Variants in CPT1A observed in about 807,000 individuals in gnomAD.
CPT1A encodes carnitine palmitoyltransferase 1A, also known as carnitine O-palmitoyltransferase 1, liver isoform.
A neutral mutation model predicts 100.8 loss-of-function variants in CPT1A; 64 were observed. The ratio of observed to expected loss-of-function variants is 0.63; its 90% CI spans 0.52 to 0.78. CPT1A has a LOEUF of 0.78. Among genes scored for constraint, CPT1A ranks in the 30% least tolerant of loss-of-function variants. The pLI is 0.00. For synonymous variants in CPT1A, 363 were observed against 396.0 expected (o/e 0.92, Z 0.99); for missense variants, 802 against 1,034.1 (o/e 0.78, Z 3.08).
Position 68,757,536 on chromosome 11 carries a change from T to G in CPT1A, c.*108A>C. 3 of 1,568,108 alleles carry G rather than the reference T, an allele frequency of 1.9e-6. No homozygotes were observed. The South Asian group carries it at 3.5e-5, about 18-fold the overall frequency. On this transcript the variant is annotated 3_prime_UTR_variant, in exon 19 of 19. Coordinates refer to ENST00000265641, the MANE Select transcript of CPT1A (RefSeq NM_001876.4). Reference sequence around the variant, plus strand: ...ACATTTTCTGGAAGGAAAACTGAGTTTTTTTAAGAGCAGTGTTTCATCCCG... The same window carrying G: ...ACATTTTCTGGAAGGAAAACTGAGTGTTTTTAAGAGCAGTGTTTCATCCCG...
chr11:68,825,763 C>G (rs1484935969), intron 1 of CPT1A, among the ~76,000 whole-genome samples: 1 of 152,082 alleles, frequency 6.6e-6, no homozygotes, highest in African/African-American at 2.4e-5. Context: ...TCCTGGCCCA[C>G]GCAGGGACTT....
At chr11:68,842,164 C>T (rs1857176273), upstream of CPT1A, among the ~76,000 whole-genome samples, 1 of 152,206 alleles carries the variant, frequency 6.6e-6, no homozygotes, top group Admixed American at 6.5e-5. Flanking sequence ...CATAAAATCG[C>T]TTAGCTCCGT....
rs192962393 is a variant in CPT1A, at chr11:68,831,787, C to T, written c.-14+9988G>A. ...GAGCTGGAATTACAGGCACGCACCACCACGCCTGGCTAATTTTGTATTTTT... is the reference window on the plus strand; with the variant it reads ...GAGCTGGAATTACAGGCACGCACCATCACGCCTGGCTAATTTTGTATTTTT... On this transcript the variant is annotated intron_variant, in intron 1 of 18. Coordinates refer to ENST00000265641, the MANE Select transcript of CPT1A (RefSeq NM_001876.4). Among the ~76,000 whole-genome samples the T allele has an allele frequency of 2.1e-3, 313 of 152,074 alleles. 7 individuals are homozygous for T. Among genetic ancestry groups the T allele is most frequent in the Admixed American group, 0.015 (227 of 15,260 alleles).
intron 1 of CPT1A, among the ~76,000 whole-genome samples, chr11:68,822,688 C>T (rs1856616479): frequency 6.6e-6 from 1 of 152,088 alleles, no homozygotes; most frequent in Non-Finnish European, 1.5e-5. Context: ...AGTGGCAATA[C>T]ATTCTGCTGA....
intron 3 of CPT1A, among the ~76,000 whole-genome samples, chr11:68,809,265 A>G (rs980381996): frequency 1.3e-5 from 2 of 152,142 alleles, no homozygotes; most frequent in African/African-American, 2.4e-5. Flanking sequence ...GATAATCTAC[A>G]TTTTAGATTA....
chr11:68,779,001 G>A lies in CPT1A; in HGVS notation c.1458+1639C>T, dbSNP rs150438000. ...GGGTTTCACCGTGTTAGCCAGGATG[G>A]TCTCGTTCTCCTGACCTCGTGATCC... On this transcript the variant is annotated intron_variant, in intron 12 of 18. Transcript: ENST00000265641. 4.5e-3 allele frequency among the ~76,000 whole-genome samples: 685 copies of A among 152,062 alleles called. 9 individuals carry two copies. Among genetic ancestry groups the A allele is most frequent in the Admixed American group, 0.019 (284 of 15,284 alleles).
chr11:68,839,659 C>T, intron 1 of CPT1A: 1 of 985,474 alleles, frequency 1.0e-6, no homozygotes, highest in South Asian at 4.7e-5. Context: ...ACGCAGGCAC[C>T]GCGCTCAAGA....
chr11:68,783,294 AC>A (rs940476990), intron 10 of CPT1A, among the ~76,000 whole-genome samples: 3 of 150,648 alleles, frequency 2.0e-5, no homozygotes, highest in Admixed American at 6.6e-5. Flanking sequence ...ACCCCACCCT[AC>A]ACCACCTGAA....
intron 1 of CPT1A, chr11:68,818,518 C>T (rs3019607): frequency 6.6e-6 from 1 of 152,284 alleles, no homozygotes; most frequent in African/African-American, 2.4e-5. Context: ...GCAAAACTAC[C>T]TTCCACCAGC....
intron 1 of CPT1A, among the ~76,000 whole-genome samples, chr11:68,829,514 C>T (rs1310914044): frequency 6.6e-6 from 1 of 152,022 alleles, no homozygotes; most frequent in Non-Finnish European, 1.5e-5. Context: ...GAGGAGAGAA[C>T]GCTTTTACTG....
At chr11:68,765,221 G>A (rs1402015469) in intron 14 of CPT1A, among the ~76,000 whole-genome samples, 1 of 152,200 alleles carries the variant, frequency 6.6e-6, no homozygotes, top group Non-Finnish European at 1.5e-5. Context: ...AGGTAAACTT[G>A]AACTATATGA....
chr11:68,814,910 C>T (rs1856340888), intron 2 of CPT1A, among the ~76,000 whole-genome samples: 1 of 151,876 alleles, frequency 6.6e-6, no homozygotes. Context: ...TGGTCTTAAA[C>T]TCCTGAGCTC....
chr11:68,824,740 AG>A (rs1856676740), intron 1 of CPT1A, among the ~76,000 whole-genome samples: 1 of 150,234 alleles, frequency 6.7e-6, no homozygotes, highest in Non-Finnish European at 1.5e-5. Flanking sequence ...ATTTTTAAAA[AG>A]GGTTCCCATC....
chr11:68,828,575 G>A (rs541309894), intron 1 of CPT1A, among the ~76,000 whole-genome samples: 1 of 152,302 alleles, frequency 6.6e-6, no homozygotes, highest in East Asian at 1.9e-4. Context: ...CACTGTGGCT[G>A]GGAGCCCCAG....
intron 15 of CPT1A, among the ~76,000 whole-genome samples, 172 bp from the exon 16 acceptor site, chr11:68,761,859 C>T (rs539054941): frequency 2.0e-4 from 30 of 152,184 alleles, no homozygotes; most frequent in Non-Finnish European, 4.1e-4. Flanking sequence ...AATCCGCCCA[C>T]CTCATCCTCC....
At chr11:68,831,503 G>A (rs1856878638) in intron 1 of CPT1A, among the ~76,000 whole-genome samples, 1 of 152,194 alleles carries the variant, frequency 6.6e-6, no homozygotes, top group Non-Finnish European at 1.5e-5. Flanking sequence ...ATTTCTGAGT[G>A]GGGCAGAAGT....
chr11:68,834,374 T>G (rs1166249991), intron 1 of CPT1A, among the ~76,000 whole-genome samples: 2 of 152,024 alleles, frequency 1.3e-5, no homozygotes, highest in African/African-American at 2.4e-5. Context: ...AGGCAGAGGT[T>G]GCAGTGAGCC....
At chr11:68,808,616 G>A (rs557722596) in intron 3 of CPT1A, among the ~76,000 whole-genome samples, 41 of 151,516 alleles carry the variant, frequency 2.7e-4, no homozygotes, top group Non-Finnish European at 5.3e-4. Flanking sequence ...TGATCCACCC[G>A]CCTCGGCCTC....
At chr11:68,816,156 G>A (rs961553634) in intron 1 of CPT1A, among the ~76,000 whole-genome samples, 12 of 149,384 alleles carry the variant, frequency 8.0e-5, no homozygotes, top group African/African-American at 3.1e-4. Flanking sequence ...AAGAGGCCCA[G>A]AGTGTCCACG....
Sources: gnomAD v4.1 joint callset for allele counts (sites outside exome capture counted in the v4.1 genomes callset) on GRCh38, gnomAD v4.1.1 for gene constraint, MANE v1.5 for transcripts, NCBI Gene and HGNC (gene_info 2026-07-23, HGNC 2026-07-21) for gene names.